Variants in GRID2 observed in about 807,000 individuals in gnomAD.
GRID2 encodes the protein glutamate receptor ionotropic, delta-2.
A neutral mutation model predicts 114.8 loss-of-function variants in GRID2; 33 were observed. The ratio of observed to expected loss-of-function variants is 0.29; its 90% confidence interval spans 0.22 to 0.38. GRID2 has a LOEUF of 0.38. Ranked by LOEUF, GRID2 falls within the 10% of genes least tolerant of loss-of-function variation. The probability of loss-of-function intolerance (pLI) is 1.00; values close to 1 mark genes in which losing one functional copy is unlikely to be tolerated. For synonymous variants in GRID2, 505 were observed against 449.9 expected (o/e 1.12, Z -1.55); for missense variants, 1,184 against 1,257.7 (o/e 0.94, Z 0.89).
chr4:92,388,824 T>C (rs1204658372), intron 1 of GRID2, among the ~76,000 whole-genome samples: 1 of 152,070 alleles, frequency 6.6e-6, no homozygotes, highest in African/African-American at 2.4e-5. Context: ...TTTTTGTTGA[T>C]AAATAATATT....
chr4:93,496,750 G>T (rs1029603726), intron 12 of GRID2, among the ~76,000 whole-genome samples: 1 of 151,816 alleles, frequency 6.6e-6, no homozygotes, highest in Non-Finnish European at 1.5e-5. Flanking sequence ...TGGTATGGAT[G>T]TACCACAGTT....
At chr4:93,492,164 A>G (rs963004945) in intron 12 of GRID2, among the ~76,000 whole-genome samples, 2 of 151,938 alleles carry the variant, frequency 1.3e-5, no homozygotes, top group African/African-American at 4.8e-5. Flanking sequence ...TGATTACAAC[A>G]GCCCAGCCAA....
At chr4:92,891,052 A>G (rs188607265) in intron 2 of GRID2, among the ~76,000 whole-genome samples, 19 of 152,222 alleles carry the variant, frequency 1.2e-4, no homozygotes, top group Admixed American at 1.1e-3. Context: ...TCATAAGTGG[A>G]AGTTGAACGA....
intron 2 of GRID2, among the ~76,000 whole-genome samples, chr4:92,711,445 T>C (rs12513258): frequency 0.16 from 25,028 of 152,144 alleles, 2,241 homozygotes; most frequent in East Asian, 0.34. Flanking sequence ...TCCCCAGTTT[T>C]TGTTGGTTGT....
chr4:93,582,334 C>T (rs1178989405), intron 13 of GRID2, among the ~76,000 whole-genome samples: 1 of 152,158 alleles, frequency 6.6e-6, no homozygotes, highest in Non-Finnish European at 1.5e-5. Flanking sequence ...TAAGATTAGG[C>T]CCAACTGGAT....
chr4:93,192,890 A>G (rs756169352), intron 4 of GRID2, among the ~76,000 whole-genome samples: 6 of 152,104 alleles, frequency 3.9e-5, no homozygotes, highest in Non-Finnish European at 5.9e-5. Context: ...GCCTTATCTC[A>G]TGAGATAATT....
intron 2 of GRID2, among the ~76,000 whole-genome samples, chr4:92,906,090 T>G (rs1276450578): frequency 6.6e-6 from 1 of 152,166 alleles, no homozygotes; most frequent in Non-Finnish European, 1.5e-5. Flanking sequence ...TGGTACAGAT[T>G]AGCTACATTT....
intron 7 of GRID2, among the ~76,000 whole-genome samples, chr4:93,230,491 T>A (rs1745999951): frequency 4.6e-5 from 7 of 152,154 alleles, no homozygotes; most frequent in Admixed American, 4.6e-4. Flanking sequence ...TATTTTTGTT[T>A]TATTATATTA....
chr4:93,045,858 G>A (rs1041129649), intron 2 of GRID2, among the ~76,000 whole-genome samples: 1 of 152,076 alleles, frequency 6.6e-6, no homozygotes, highest in Non-Finnish European at 1.5e-5. Flanking sequence ...AAAATGAACT[G>A]TATGCCATGA....
At position 92,484,221 on chromosome 4, in the gene GRID2, G is replaced by T. The variant is rs546982515; in HGVS notation, c.89-105910G>T. On this transcript the variant is annotated intron_variant, in intron 1 of 15. Transcript: ENST00000282020. ...GTAACCTACCCAAAGTCACAAAGAT[G>T]GTATCTGACACAACTAGAGTTGGTT... Among the ~76,000 whole-genome samples, 3 of 152,170 alleles carry T rather than the reference G, an allele frequency of 2.0e-5. No homozygotes were observed. The East Asian group carries it at 5.8e-4, about 29-fold the overall frequency.
chr4:92,976,326 T>C (rs1753866577), intron 2 of GRID2, among the ~76,000 whole-genome samples: 1 of 152,090 alleles, frequency 6.6e-6, no homozygotes, highest in South Asian at 2.1e-4. Flanking sequence ...ATCATTTTCG[T>C]AGTGAATATA....
intron 2 of GRID2, among the ~76,000 whole-genome samples, chr4:92,736,136 C>T (rs1338044401): frequency 2.0e-5 from 3 of 152,022 alleles, no homozygotes; most frequent in African/African-American, 7.2e-5. Context: ...ATTGTAATCA[C>T]AGGGATCTTT....
chr4:93,258,838 A>G, intron 8 of GRID2: 1 of 448,876 alleles, frequency 2.2e-6, no homozygotes, highest in Non-Finnish European at 4.5e-6. Context: ...ACATGAAAGT[A>G]ATTAACAAAC....
rs1729582809 is a variant in GRID2, at chr4:93,078,767, T to C, written c.245-6228T>C. 2.0e-5 allele frequency among the ~76,000 whole-genome samples: 3 copies of C among 146,704 alleles called. No homozygotes were observed. The Admixed American group carries it at 2.1e-4, about 10-fold the overall frequency. ...GTATATACTAAATATAATTATATTA[T>C]ATTTATATACTGTATATACTAAATA... is the stretch of plus-strand genomic sequence containing the variant. On this transcript the variant is annotated intron_variant, in intron 2 of 15. Transcript: ENST00000282020.
At chr4:92,562,015 A>G (rs1727125405) in intron 1 of GRID2, among the ~76,000 whole-genome samples, 1 of 152,218 alleles carries the variant, frequency 6.6e-6, no homozygotes, top group South Asian at 2.1e-4. Context: ...ACTCACACCT[A>G]CAAATAAATA....
At chr4:93,064,980 T>C (rs1728165009) in intron 2 of GRID2, among the ~76,000 whole-genome samples, 1 of 151,890 alleles carries the variant, frequency 6.6e-6, no homozygotes. Context: ...GAAATGATAC[T>C]CTTCAAAACT....
intron 2 of GRID2, among the ~76,000 whole-genome samples, chr4:92,756,357 G>A (rs1225834321): frequency 6.6e-6 from 1 of 152,038 alleles, no homozygotes; most frequent in Non-Finnish European, 1.5e-5. Context: ...CGGACACTTA[G>A]TTTGATTTCA....
chr4:92,739,278 CTT>C (rs745936618), intron 2 of GRID2, among the ~76,000 whole-genome samples: 37 of 152,182 alleles, frequency 2.4e-4, no homozygotes, highest in African/African-American at 7.5e-4. Flanking sequence ...AATTAACAAA[CTT>C]AAATTATTCT....
At position 93,128,069 on chromosome 4, in the gene GRID2, G is replaced by A. The variant is rs111452592; in HGVS notation, c.735+17116G>A. On this transcript the variant is annotated intron_variant, in intron 4 of 15. Transcript: ENST00000282020. ...AAAAAAAAAAAAAAAACAACAGTAC[G>A]TGCTATATTGGTTTTACAGCTCTAC... Among the ~76,000 whole-genome samples, 994 of 117,610 alleles carry A rather than the reference G, an allele frequency of 8.5e-3. 26 individuals are homozygous for A. The highest frequency in any genetic ancestry group is 0.034 in the African/African-American group (946 of 27,834). 77.2% of individuals were successfully genotyped at this position (117,610 alleles called of 152,430 possible).
Sources: gnomAD v4.1 joint callset for allele counts (sites outside exome capture counted in the v4.1 genomes callset) on GRCh38, gnomAD v4.1.1 for gene constraint, MANE v1.5 for transcripts, NCBI Gene and HGNC (gene_info 2026-07-23, HGNC 2026-07-21) for gene names.